The following CTNNA3 variants were observed in gnomAD, a reference collection of about 807,000 sequenced individuals.
CTNNA3 encodes catenin alpha 3.
In CTNNA3, 76 loss-of-function variants were observed where a neutral mutation model predicts 95.7. The ratio of observed to expected loss-of-function variants is 0.79; its 90% CI spans 0.66 to 0.96. CTNNA3 has a LOEUF of 0.96. Among genes scored for constraint, CTNNA3 ranks in the 40% least tolerant of loss-of-function variants. The probability of loss-of-function intolerance (pLI) is 0.00; values close to 1 mark genes in which losing one functional copy is unlikely to be tolerated. For missense variants in CTNNA3, 1,191 were observed against 1,089.8 expected, an observed-to-expected ratio of 1.09 and a Z score of -1.31; for synonymous variants, 431 against 374.4, an observed-to-expected ratio of 1.15 and a Z score of -1.74.
At chr10:66,330,919 T>C (rs1375786179) in intron 12 of CTNNA3, among the ~76,000 whole-genome samples, 1 of 152,002 alleles carries the variant, frequency 6.6e-6, no homozygotes, top group East Asian at 1.9e-4. Context: ...GATGGGGTGG[T>C]TTGTTTTTTG....
chr10:67,254,837 T>C (rs901124252), intron 5 of CTNNA3, among the ~76,000 whole-genome samples: 8 of 152,198 alleles, frequency 5.3e-5, no homozygotes, highest in African/African-American at 1.9e-4. Flanking sequence ...CTTCTAGGTT[T>C]GTATAAGTAC....
chr10:66,878,193 C>T (rs1183220804), intron 7 of CTNNA3, among the ~76,000 whole-genome samples: 1 of 152,132 alleles, frequency 6.6e-6, no homozygotes, highest in Non-Finnish European at 1.5e-5. Context: ...CTATCTTCCA[C>T]ATTTTTCTCT....
intron 12 of CTNNA3, among the ~76,000 whole-genome samples, chr10:66,316,255 A>G (rs2092098468): frequency 6.6e-6 from 1 of 152,120 alleles, no homozygotes; most frequent in Non-Finnish European, 1.5e-5. Flanking sequence ...AATATTCGCA[A>G]AAGTGAAAAT....
At chr10:67,483,545 C>T (rs1443552055) in intron 5 of CTNNA3, among the ~76,000 whole-genome samples, 2 of 151,288 alleles carry the variant, frequency 1.3e-5, no homozygotes, top group Non-Finnish European at 2.9e-5. Context: ...CATGTTCTCA[C>T]TCATAGGTGG....
chr10:67,247,623 C>T (rs186917894), intron 5 of CTNNA3, among the ~76,000 whole-genome samples: 3 of 152,258 alleles, frequency 2.0e-5, no homozygotes, highest in Non-Finnish European at 2.9e-5. Context: ...AAAATTCCAA[C>T]TGTGTTTTTG....
intron 5 of CTNNA3, chr10:67,403,377 G>T (rs1319535190): frequency 6.6e-6 from 1 of 152,298 alleles, no homozygotes; most frequent in Non-Finnish European, 1.5e-5. Flanking sequence ...TGTAGGCTTT[G>T]CAGAATCCAA....
At chr10:67,182,045 A>G (rs1461863962) in intron 6 of CTNNA3, among the ~76,000 whole-genome samples, 1 of 152,310 alleles carries the variant, frequency 6.6e-6, no homozygotes, top group East Asian at 1.9e-4. Flanking sequence ...AAAAGAGGAT[A>G]CAAACAAATG....
chr10:67,387,789 A>G (rs980741418), intron 5 of CTNNA3, among the ~76,000 whole-genome samples: 4 of 152,246 alleles, frequency 2.6e-5, no homozygotes, highest in Non-Finnish European at 5.9e-5. Flanking sequence ...GGCACCCTCC[A>G]GCAGGAGCAC....
intron 10 of CTNNA3, among the ~76,000 whole-genome samples, chr10:66,591,259 T>C (rs1282934787): frequency 6.6e-6 from 1 of 152,170 alleles, no homozygotes; most frequent in East Asian, 1.9e-4. Context: ...TTCAGAATAG[T>C]ACTGAGTGGT....
At position 66,655,873 on chromosome 10, in the gene CTNNA3, T is replaced by C. The variant is rs192470912; in HGVS notation, c.1282-34089A>G. Among the ~76,000 whole-genome samples, 4 of 152,186 alleles carry C rather than the reference T, an allele frequency of 2.6e-5. No individual in the cohort carries two copies. The East Asian group carries it at 7.7e-4, about 29-fold the overall frequency. On this transcript the variant is annotated intron_variant, in intron 9 of 17. Transcript: ENST00000433211. ...AAATGGCAGAAAGTATATACAAGTATTAAGTAACTTCAGGCTCAATTCCAT... is the reference window on the plus strand; with the variant it reads ...AAATGGCAGAAAGTATATACAAGTACTAAGTAACTTCAGGCTCAATTCCAT...
intron 5 of CTNNA3, among the ~76,000 whole-genome samples, chr10:67,518,542 C>G (rs1194882976): frequency 6.6e-6 from 1 of 151,930 alleles, no homozygotes; most frequent in African/African-American, 2.4e-5. Flanking sequence ...TCTAAATGTG[C>G]TTTAGTCTAT....
intron 1 of CTNNA3, among the ~76,000 whole-genome samples, chr10:67,723,897 C>G (rs1313439511): frequency 6.6e-6 from 1 of 152,142 alleles, no homozygotes; most frequent in African/African-American, 2.4e-5. Context: ...TAAGTATATG[C>G]ATATCCATCG....
At chr10:67,422,571 T>C (rs1042663593) in intron 5 of CTNNA3, among the ~76,000 whole-genome samples, 4 of 152,120 alleles carry the variant, frequency 2.6e-5, no homozygotes, top group Non-Finnish European at 5.9e-5. Context: ...AGGAGGGGCC[T>C]GGTGGGAGGT....
chr10:67,499,714 T>C (rs1156390718), intron 5 of CTNNA3, among the ~76,000 whole-genome samples: 5 of 152,198 alleles, frequency 3.3e-5, no homozygotes, highest in Non-Finnish European at 1.5e-5. Context: ...TCTAGTTTAT[T>C]TGTGTAGAGG....
chr10:67,304,803 A>G (rs1840471124), intron 5 of CTNNA3, among the ~76,000 whole-genome samples: 1 of 152,052 alleles, frequency 6.6e-6, no homozygotes, highest in Non-Finnish European at 1.5e-5. Context: ...GTATTTCATC[A>G]AGGTACAAAG....
In CTNNA3 at chr10:66,103,202, C is replaced by T. The variant is rs2081722451; in HGVS notation, c.1932G>A (p.Glu644=). ...EDVSDLEEEH[E]VRSHTSIQTE... The stretch of plus-strand genomic sequence containing the variant: ...TCTGAATGCTGGTGTGACTGCGGAC[C>T]TCGTGTTCCTCTTCAAGGTCAGAAA... Residue 644 remains glutamate (E), a synonymous_variant, in exon 14 of 18, where the codon GAG becomes GAA. Transcript: ENST00000433211. The T allele has an allele frequency of 1.2e-6, 2 of 1,614,016 alleles. No homozygotes were observed. The highest frequency in any genetic ancestry group is 1.7e-6 in the Non-Finnish European group (2 of 1,180,002).
intron 13 of CTNNA3, among the ~76,000 whole-genome samples, chr10:66,235,723 G>A (rs568782036): frequency 3.3e-5 from 5 of 152,184 alleles, no homozygotes; most frequent in East Asian, 3.9e-4. Flanking sequence ...CGATATTGGA[G>A]TGTGAAAGGC....
rs548869385 is a variant in CTNNA3 at position 67,564,414 on chromosome 10, G to A, written c.293-24745C>T. On this transcript the variant is annotated intron_variant, in intron 3 of 17. Transcript: ENST00000433211. ...AAGGACAGAAAACCAAAGACCGCAT[G>A]TTCTCACTCATAGGTGGGAATTGAA... Among the ~76,000 whole-genome samples the A allele has an allele frequency of 1.8e-4, 25 of 142,564 alleles. 1 individual carries two copies. The highest frequency in any genetic ancestry group is 3.6e-4 in the Non-Finnish European group (24 of 65,942). The allele number at this position is 142,564 out of a possible 152,430, so 93.5% of individuals were successfully genotyped here. A position where few individuals can be genotyped will look rare whatever the true frequency, so the allele number is the denominator to read the frequency against.
chr10:66,375,899 T>C (rs571402132), intron 12 of CTNNA3, among the ~76,000 whole-genome samples: 9 of 152,302 alleles, frequency 5.9e-5, no homozygotes, highest in Non-Finnish European at 1.2e-4. Context: ...ATACACACTT[T>C]CCAGTCTCGG....
Sources: allele counts gnomAD v4.1 joint callset (sites outside exome capture counted in the v4.1 genomes callset), GRCh38; gene constraint gnomAD v4.1.1; transcripts MANE v1.5; gene names NCBI Gene and HGNC (gene_info 2026-07-23, HGNC 2026-07-21).